CRLF3: variants seen among roughly 807,000 people sequenced by gnomAD.
CRLF3 encodes cytokine receptor like factor 3.
In CRLF3, 33 loss-of-function variants were observed where a neutral mutation model predicts 55.0. The ratio of observed to expected loss-of-function variants is 0.60; its 90% CI spans 0.46 to 0.80. CRLF3 has a LOEUF of 0.80. Among genes scored for constraint, CRLF3 ranks in the 30% least tolerant of loss-of-function variants. The pLI, the probability that CRLF3 is intolerant of heterozygous loss-of-function variation, is 0.00. For missense variants in CRLF3, 494 were observed against 538.4 expected, an observed-to-expected ratio of 0.92 and a Z score of 0.82; for synonymous variants, 238 against 196.8, an observed-to-expected ratio of 1.21 and a Z score of -1.75.
rs1206336647 is a variant in CRLF3 at position 30,782,943 on chromosome 17, T to A, written c.*1244A>T. The A allele has an allele frequency of 1.3e-5, 2 of 152,162 alleles. No individual in the cohort carries two copies. Among genetic ancestry groups the A allele is most frequent in the Non-Finnish European group, 2.9e-5 (2 of 68,028 alleles). The allele number at this position is 152,162 out of a possible 1,614,324, so 9.4% of individuals were successfully genotyped here. On this transcript the variant is annotated 3_prime_UTR_variant, in exon 8 of 8. Coordinates refer to ENST00000324238, the MANE Select transcript of CRLF3 (RefSeq NM_015986.4). ...ATAATTCACATTAAAATAAAATCTG[T>A]AGGGTGGCATAGAAGACAATTATTT...
In CRLF3 at chr17:30,783,339, C is replaced by T. The variant is rs187582109; in HGVS notation, c.*848G>A. Reference sequence around the variant, plus strand: ...ATTTAAAAAAATACAAAAATTGGTCCACTGCAGTGGCTCACACCTGTAATC... The same window carrying T: ...ATTTAAAAAAATACAAAAATTGGTCTACTGCAGTGGCTCACACCTGTAATC... On this transcript the variant is annotated 3_prime_UTR_variant, in exon 8 of 8. Transcript: ENST00000324238. The T allele has an allele frequency of 1.3e-5, 2 of 152,176 alleles. No homozygotes were observed. Among genetic ancestry groups the T allele is most frequent in the Non-Finnish European group, 2.9e-5 (2 of 68,010 alleles). The allele number at this position is 152,176 out of a possible 1,614,324, so 9.4% of individuals were successfully genotyped here.
rs758452006 is a variant in CRLF3, at chr17:30,824,690, A to C, written c.-39T>G. 1 of 1,557,850 alleles carries C rather than the reference A, an allele frequency of 6.4e-7. No individual in the cohort carries two copies. The highest frequency in any genetic ancestry group is 8.6e-7 in the Non-Finnish European group (1 of 1,158,686). On this transcript the variant is annotated 5_prime_UTR_variant, in exon 1 of 8. Transcript: ENST00000324238. ...CGGCGAAACCTAGCGCGGGTTCCCG[A>C]CTGCACCGGGCGCCTCCAAGCGGCC... is the stretch of plus-strand genomic sequence containing the variant.
chr17:30,793,637 G>C lies in CRLF3; in HGVS notation c.639C>G (p.Leu213=). ...GATTTGAAGTACATTTACGAAACTG[G>C]AGCCTGTAATCTTGGGCTGTAAAGT... is the stretch of plus-strand genomic sequence containing the variant. ...DDDFTAQDYR[L]QFRKCTSNHF... Residue 213 remains leucine (L), a synonymous_variant, in exon 5 of 8, where the codon CTC becomes CTG. Coordinates refer to ENST00000324238, the MANE Select transcript of CRLF3 (RefSeq NM_015986.4). 8 of 1,613,988 alleles carry C rather than the reference G, an allele frequency of 5.0e-6. No individual in the cohort carries two copies. Among genetic ancestry groups the C allele is most frequent in the Non-Finnish European group, 5.9e-6 (7 of 1,179,958 alleles).
At chr17:30,793,400 G>T in intron 5 of CRLF3, 50 bp downstream of exon 5, 1 of 1,413,240 alleles carries the variant, frequency 7.1e-7, no homozygotes, top group Non-Finnish European at 1.0e-6. Flanking sequence ...CAGAATACAG[G>T]TATTCTAATA....
chr17:30,784,529 C>A (rs1424160833), intron 7 of CRLF3, 86 bp from the exon 8 acceptor site: 1 of 1,188,424 alleles, frequency 8.4e-7, no homozygotes, highest in East Asian at 2.4e-5. Flanking sequence ...TAACACAGCT[C>A]ATTTCCTAAT....
At chr17:30,791,460 G>A (rs1426946691) in intron 6 of CRLF3, among the ~76,000 whole-genome samples, 1 of 151,754 alleles carries the variant, frequency 6.6e-6, no homozygotes. Context: ...AACCGCCTCG[G>A]CCTCCCAAAG....
At chr17:30,811,332 G>A (rs924400438) in intron 1 of CRLF3, among the ~76,000 whole-genome samples, 2 of 151,622 alleles carry the variant, frequency 1.3e-5, no homozygotes, top group African/African-American at 2.4e-5. Flanking sequence ...GTGCCTGCCC[G>A]TAATCCCAGC....
intron 5 of CRLF3, 72 bp downstream of exon 5, chr17:30,793,378 C>A: frequency 8.6e-7 from 1 of 1,165,808 alleles, no homozygotes; most frequent in Non-Finnish European, 1.3e-6. Context: ...TGTCAGTGTG[C>A]TGCCCTTAGC....
In CRLF3 at chr17:30,803,712, T is replaced by A. The variant is rs577716055; in HGVS notation, c.337+189A>T. On this transcript the variant is annotated intron_variant, in intron 2 of 7. Coordinates refer to ENST00000324238, the MANE Select transcript of CRLF3 (RefSeq NM_015986.4). ...AACCCCTTTCGCTTGGCTCTCATTC[T>A]CTTCTCTTGTCTGCCGCCATGTGAG... is the stretch of plus-strand genomic sequence containing the variant. 4 of 604,116 alleles carry A rather than the reference T, an allele frequency of 6.6e-6. No individual in the cohort carries two copies. In the East Asian group the frequency reaches 8.3e-5, roughly 13 times the overall value. The allele number at this position is 604,116 out of a possible 1,614,324, so 37.4% of individuals were successfully genotyped here.
chr17:30,796,214 TA>T lies in CRLF3; in HGVS notation c.548del (p.Val183AspfsTer3). The T allele has an allele frequency of 6.2e-7, 1 of 1,614,046 alleles. No homozygotes were observed. The highest frequency in any genetic ancestry group is 8.5e-7 in the Non-Finnish European group (1 of 1,179,916). ...GTTTCTCTATTAGTTCTTCTATCTG[TA>T]CTGGTGGGCGAGATGCTACTGTTCC... ...KHGTVASRPP[V>X]QIEELIEKPG... On this transcript the variant is annotated frameshift_variant, in exon 4 of 8. Coordinates refer to ENST00000324238, the MANE Select transcript of CRLF3 (RefSeq NM_015986.4). LOFTEE classifies it high-confidence loss of function.
chr17:30,821,339 CAAAA>C, intron 1 of CRLF3, among the ~76,000 whole-genome samples: 1 of 116,222 alleles, frequency 8.6e-6, no homozygotes, highest in African/African-American at 2.9e-5. Context: ...GGTCCTTTCT[CAAAA>C]AAAAAAAAAA....
chr17:30,812,696 G>A (rs1904662453), intron 1 of CRLF3, among the ~76,000 whole-genome samples: 1 of 152,250 alleles, frequency 6.6e-6, no homozygotes, highest in East Asian at 1.9e-4. Context: ...GGCTGGGCCT[G>A]TGACTAGCAA....
Position 30,784,459 on chromosome 17 carries a change from A to G in CRLF3, c.1073-16T>C, listed in dbSNP as rs779375392. 2 of 1,601,956 alleles carry G rather than the reference A, an allele frequency of 1.2e-6. No homozygotes were observed. Among genetic ancestry groups the G allele is most frequent in the South Asian group, 1.1e-5 (1 of 90,764 alleles). On this transcript the variant is annotated splice_polypyrimidine_tract_variant and intron_variant, in intron 7 of 7. Coordinates refer to ENST00000324238, the MANE Select transcript of CRLF3 (RefSeq NM_015986.4). ...AAAACTGCACCTAAAATGTTAAGGT[A>G]AAGAGTCATTTACATGTGAGCAATA... is the stretch of plus-strand genomic sequence containing the variant.
At chr17:30,793,986 A>T (rs973958035) in intron 4 of CRLF3, among the ~76,000 whole-genome samples, 1 of 152,006 alleles carries the variant, frequency 6.6e-6, no homozygotes, top group African/African-American at 2.4e-5. Context: ...TTTCAGGTGC[A>T]CACCACCATG....
At chr17:30,785,365 G>A (rs1217126674) in intron 7 of CRLF3, among the ~76,000 whole-genome samples, 3 of 151,892 alleles carry the variant, frequency 2.0e-5, no homozygotes, top group South Asian at 2.1e-4. Flanking sequence ...GTGATCCACC[G>A]CGCCCGGCCT....
At chr17:30,788,599 CT>C (rs1159336036) in intron 6 of CRLF3, among the ~76,000 whole-genome samples, 1,908 of 79,982 alleles carry the variant, frequency 0.024, 37 homozygotes, top group African/African-American at 0.095. Context: ...GTAGTGCCTT[CT>C]TTTTTTTTTT....
At chr17:30,806,625 A>G (rs1033475512) in intron 1 of CRLF3, among the ~76,000 whole-genome samples, 3 of 152,172 alleles carry the variant, frequency 2.0e-5, no homozygotes, top group East Asian at 3.8e-4. Flanking sequence ...TATTATGAAG[A>G]TAAATAGGTT....
At chr17:30,784,507 C>A (rs907355009) in intron 7 of CRLF3, 64 bp from the exon 8 acceptor site, 1 of 1,374,384 alleles carries the variant, frequency 7.3e-7, no homozygotes, top group Non-Finnish European at 1.0e-6. Flanking sequence ...GAAATAGTTT[C>A]TAGATTACTG....
At chr17:30,804,194 T>C (rs1972050923) in intron 1 of CRLF3, 86 bp from the exon 2 acceptor site, 1 of 848,828 alleles carries the variant, frequency 1.2e-6, no homozygotes, top group Non-Finnish European at 1.9e-6. Context: ...CTAAAAGCAC[T>C]GTATAACCAT....
Sources: allele counts gnomAD v4.1 joint callset (sites outside exome capture counted in the v4.1 genomes callset), GRCh38; gene constraint gnomAD v4.1.1; transcripts MANE v1.5; gene names NCBI Gene and HGNC (gene_info 2026-07-23, HGNC 2026-07-21).